Variants in WWC1 observed in about 807,000 individuals in gnomAD.
WWC1 encodes WW and C2 domain containing 1.
Under a neutral mutation model 138.4 loss-of-function variants are expected in WWC1, and 55 were observed. That is an observed-to-expected ratio of 0.40 (90% CI 0.32 to 0.50). The LOEUF is 0.50. WWC1 is among the 20% of genes least tolerant of loss of function. WWC1 has a pLI of 0.72. For missense variants in WWC1, 1,226 were observed against 1,420.4 expected, an observed-to-expected ratio of 0.86 and a Z score of 2.20; for synonymous variants, 524 against 564.9, an observed-to-expected ratio of 0.93 and a Z score of 1.03.
intron 16 of WWC1, among the ~76,000 whole-genome samples, chr5:168,443,144 T>G (rs1371197908): frequency 6.6e-6 from 1 of 152,228 alleles, no homozygotes. Context: ...CTTCCCTCTC[T>G]GTAACGGTTG....
chr5:168,435,017 C>G (rs1782245929), intron 15 of WWC1, among the ~76,000 whole-genome samples: 1 of 152,210 alleles, frequency 6.6e-6, no homozygotes, highest in African/African-American at 2.4e-5. Context: ...AAAATGCACA[C>G]AACCACGCTG....
intron 1 of WWC1, among the ~76,000 whole-genome samples, chr5:168,366,792 C>G (rs1561664898): frequency 7.3e-6 from 1 of 136,186 alleles, no homozygotes; most frequent in Non-Finnish European, 1.6e-5. Flanking sequence ...GTATTAATGA[C>G]TTTGAAACAC....
chr5:168,406,060 C>A, intron 5 of WWC1, 138 bp from the exon 6 acceptor site: 1 of 1,101,058 alleles, frequency 9.1e-7, no homozygotes, highest in South Asian at 1.5e-5. Flanking sequence ...ACAAGTGGGA[C>A]CTAGGGAGGA....
rs1554118704 is a variant in WWC1 at position 168,465,576 on chromosome 5, T to TTTTTTTTTTTG, written c.3150+614_3150+615insTTTTTTTTTTG. Among the ~76,000 whole-genome samples, 4 of 136,130 alleles carry TTTTTTTTTTTG rather than the reference T, an allele frequency of 2.9e-5. 1 individual carries two copies. The highest frequency in any genetic ancestry group is 1.5e-4 in the Admixed American group (2 of 13,448). The allele number at this position is 136,130 out of a possible 152,430, so 89.3% of individuals were successfully genotyped here. The stretch of plus-strand genomic sequence containing the variant: ...TTTTTTTTTTTTTTTTTTTTTTTTT[T>TTTTTTTTTTTG]GGAGATGGGTTTTCTCTCTGTCGCC... On this transcript the variant is annotated intron_variant, in intron 21 of 22. Coordinates refer to ENST00000265293, the MANE Select transcript of WWC1 (RefSeq NM_015238.3).
intron 9 of WWC1, among the ~76,000 whole-genome samples, chr5:168,420,063 C>T (rs1182709895): frequency 6.6e-6 from 1 of 152,202 alleles, no homozygotes; most frequent in Non-Finnish European, 1.5e-5. Context: ...GTTGCCAGTC[C>T]ATCCAACCTC....
intron 1 of WWC1, among the ~76,000 whole-genome samples, chr5:168,326,401 G>A (rs1772553722): frequency 1.3e-5 from 2 of 151,848 alleles, no homozygotes; most frequent in African/African-American, 4.8e-5. Context: ...ATTTTTAGTA[G>A]AGACAGGGTT....
intron 5 of WWC1, among the ~76,000 whole-genome samples, chr5:168,405,952 C>A (rs1186330742): frequency 2.0e-5 from 3 of 151,996 alleles, no homozygotes; most frequent in African/African-American, 7.2e-5. Context: ...GTCTTGAACT[C>A]CTGGCCTCAA....
intron 3 of WWC1, among the ~76,000 whole-genome samples, chr5:168,388,189 T>A (rs1778188025): frequency 6.6e-6 from 1 of 152,098 alleles, no homozygotes; most frequent in Admixed American, 6.5e-5. Context: ...AATAAAGATA[T>A]CATGAAGGAT....
intron 8 of WWC1, among the ~76,000 whole-genome samples, chr5:168,412,702 C>A (rs10044771): frequency 6.6e-6 from 1 of 151,838 alleles, no homozygotes; most frequent in Non-Finnish European, 1.5e-5. Flanking sequence ...ATTCAACCAA[C>A]CAAGGATCAA....
chr5:168,356,533 A>T (rs1297050293), intron 1 of WWC1, among the ~76,000 whole-genome samples: 5 of 152,220 alleles, frequency 3.3e-5, no homozygotes, highest in Non-Finnish European at 7.3e-5. Context: ...CTGATCTGGG[A>T]ATCGAATGTG....
In WWC1 at chr5:168,414,340, G is replaced by A. The variant is rs541880513; in HGVS notation, c.942-8G>A. 1 of 1,612,482 alleles carries A rather than the reference G, an allele frequency of 6.2e-7. No homozygotes were observed. The highest frequency in any genetic ancestry group is 1.1e-5 in the South Asian group (1 of 90,614). ...CACACCAGTCATGCTTGCTTTCTTG[G>A]CCCCCAGGATCGCCAACCTGAAGAT... On this transcript the variant is annotated splice_region_variant and splice_polypyrimidine_tract_variant and intron_variant, in intron 8 of 22. Transcript: ENST00000265293.
chr5:168,457,973 A>C (rs1474929912), intron 19 of WWC1, among the ~76,000 whole-genome samples: 1 of 152,222 alleles, frequency 6.6e-6, no homozygotes, highest in Non-Finnish European at 1.5e-5. Context: ...CAAGGCCTGG[A>C]GCATTTGCAT....
chr5:168,454,201 C>T (rs1756099145), intron 18 of WWC1, 101 bp downstream of exon 18: 11 of 1,524,288 alleles, frequency 7.2e-6, no homozygotes, highest in Non-Finnish European at 9.7e-6. Context: ...TCTTGGCTTC[C>T]AGCATCAGGG....
At chr5:168,372,836 C>T (rs962989649) in intron 2 of WWC1, among the ~76,000 whole-genome samples, 2 of 152,262 alleles carry the variant, frequency 1.3e-5, no homozygotes, top group African/African-American at 4.8e-5. Flanking sequence ...AGAGCAGAGA[C>T]TGTGTCTAAT....
In WWC1 at chr5:168,469,055, C is replaced by G; in HGVS notation, c.*38C>G. 6.2e-7 allele frequency: 1 copy of G among 1,610,322 alleles called. No individual in the cohort carries two copies. Among genetic ancestry groups the G allele is most frequent in the South Asian group, 1.1e-5 (1 of 90,988 alleles). On this transcript the variant is annotated 3_prime_UTR_variant, in exon 23 of 23. Transcript: ENST00000265293. ...TATTTCCTTTGTTCCACTGACCAGG[C>G]TGTGAACATTGACTGTGGCTAAAGT...
chr5:168,414,174 T>C, intron 8 of WWC1, 174 bp from the exon 9 acceptor site: 2 of 878,150 alleles, frequency 2.3e-6, no homozygotes, highest in South Asian at 1.8e-5. Flanking sequence ...TGGCACATGG[T>C]AGGCACCCAC....
At chr5:168,376,547 A>G (rs1777183794) in intron 2 of WWC1, among the ~76,000 whole-genome samples, 1 of 152,218 alleles carries the variant, frequency 6.6e-6, no homozygotes, top group Non-Finnish European at 1.5e-5. Flanking sequence ...ATTCTGCCAA[A>G]AGACTTCTAG....
chr5:168,451,767 G>A (rs112586644), intron 17 of WWC1, among the ~76,000 whole-genome samples: 68 of 152,234 alleles, frequency 4.5e-4, no homozygotes, highest in African/African-American at 1.4e-3. Flanking sequence ...CAAGATGCAA[G>A]TACACACCCA....
At chr5:168,384,069 C>A (rs1285200622) in intron 2 of WWC1, among the ~76,000 whole-genome samples, 1 of 152,144 alleles carries the variant, frequency 6.6e-6, no homozygotes, top group Non-Finnish European at 1.5e-5. Context: ...TTATGACCTG[C>A]ATATTATAAG....
Sources: allele counts gnomAD v4.1 joint callset (sites outside exome capture counted in the v4.1 genomes callset), GRCh38; gene constraint gnomAD v4.1.1; transcripts MANE v1.5; gene names NCBI Gene and HGNC (gene_info 2026-07-23, HGNC 2026-07-21).